Variants in SI observed in about 807,000 individuals in gnomAD.
SI encodes the protein sucrase-isomaltase, intestinal.
Under a neutral mutation model 253.3 loss-of-function variants are expected in SI, and 235 were observed. That is an observed-to-expected ratio of 0.93 (90% CI 0.83 to 1.03). The LOEUF is 1.03. SI is among the 50% of genes least tolerant of loss of function. The pLI is 0.00. For missense variants in SI, 2,442 were observed against 2,211.1 expected, an observed-to-expected ratio of 1.10 and a Z score of -2.09; for synonymous variants, 819 against 712.0, an observed-to-expected ratio of 1.15 and a Z score of -2.39.
intron 25 of SI, 104 bp from the exon 26 acceptor site, chr3:165,023,880 T>C (rs1259396529): frequency 1.2e-6 from 1 of 806,452 alleles, no homozygotes; most frequent in African/African-American, 1.7e-5. Context: ...GATTTACAAG[T>C]TTCATTAATA....
At chr3:164,990,798 A>G (rs2108124696) in intron 44 of SI, among the ~76,000 whole-genome samples, 1 of 152,214 alleles carries the variant, frequency 6.6e-6, no homozygotes, top group South Asian at 2.1e-4. Flanking sequence ...CCTAATGTTA[A>G]AAAGACAAGT....
intron 32 of SI, 34 bp from the exon 33 acceptor site, chr3:165,015,267 A>G (rs781316029): frequency 1.1e-5 from 16 of 1,479,738 alleles, no homozygotes; most frequent in Admixed American, 1.0e-4. Context: ...CAAGGTACAC[A>G]TGAAAAAAGC....
intron 24 of SI, 32 bp from the exon 25 acceptor site, chr3:165,030,899 G>GAAAAAAAAAAAAAAAAAAAAAAAAAAAA: frequency 1.8e-6 from 2 of 1,127,402 alleles, no homozygotes; most frequent in East Asian, 6.8e-5. Flanking sequence ...AAGAAAAAAA[G>GAAAAAAAAAAAAAAAAAAAAAAAAAAAA]AAAAAAAAAA....
intron 25 of SI, among the ~76,000 whole-genome samples, chr3:165,024,404 C>T (rs895127339): frequency 2.0e-5 from 3 of 151,176 alleles, no homozygotes; most frequent in Non-Finnish European, 3.0e-5. Flanking sequence ...CCCTATCTTC[C>T]TTGTTTATTA....
At position 165,065,283 on chromosome 3, in the gene SI, G is replaced by A. The variant is rs146187373; in HGVS notation, c.785C>T (p.Thr262Ile). 1 of 1,605,660 alleles carries A rather than the reference G, an allele frequency of 6.2e-7. No individual in the cohort carries two copies. The highest frequency in any genetic ancestry group is 8.5e-7 in the Non-Finnish European group (1 of 1,174,422). ...TACATCACCAGGAAGTTGGTCTCGA[G>A]TAAAAATTGGCCATGTTTTCCAGGA... ...DLSWKTWPIF[T>I]RDQLPGDNNN... Residue 262 changes from threonine to isoleucine, a missense_variant, in exon 7 of 48, where the codon ACT (threonine) becomes ATT (isoleucine). Physicochemically the swap from Thr to Ile is moderately conservative, Grantham distance 89. Transcript: ENST00000264382.
intron 41 of SI, among the ~76,000 whole-genome samples, chr3:164,993,697 A>C (rs7638672): frequency 0.052 from 7,863 of 151,758 alleles, 684 homozygotes; most frequent in African/African-American, 0.18. Flanking sequence ...AATGGATGAA[A>C]ATTTTTGCAA....
chr3:165,018,921 T>C (rs1015911590), intron 28 of SI, among the ~76,000 whole-genome samples: 5 of 151,800 alleles, frequency 3.3e-5, no homozygotes, highest in South Asian at 2.1e-4. Flanking sequence ...ATGCTTACAA[T>C]AGTTCACAGA....
intron 27 of SI, among the ~76,000 whole-genome samples, chr3:165,020,901 T>C (rs895997289): frequency 6.6e-6 from 1 of 151,672 alleles, no homozygotes; most frequent in East Asian, 1.9e-4. Context: ...ACTTCACTTG[T>C]TTCCAAATAC....
At chr3:165,067,761 A>G (rs1350167415) in intron 5 of SI, among the ~76,000 whole-genome samples, 4 of 152,022 alleles carry the variant, frequency 2.6e-5, no homozygotes, top group African/African-American at 4.8e-5. Flanking sequence ...TATAAAAATG[A>G]CAGTATTACC....
intron 13 of SI, among the ~76,000 whole-genome samples, chr3:165,051,512 T>C (rs1324616282): frequency 2.0e-5 from 3 of 152,068 alleles, no homozygotes; most frequent in African/African-American, 7.2e-5. Context: ...TGGTATACCA[T>C]AGTTACACAG....
rs1713910086 is a variant in SI, at chr3:165,060,012, C to T, written c.1036G>A (p.Ala346Thr). The T allele has an allele frequency of 1.9e-6, 3 of 1,611,476 alleles. No homozygotes were observed. The highest frequency in any genetic ancestry group is 8.5e-7 in the Non-Finnish European group (1 of 1,178,382). ...QQYQQLVGLPAMPAYWNLGFQ... is the reference protein window; with the variant it reads ...QQYQQLVGLPTMPAYWNLGFQ... ...CCAAGATTCCAATATGCTGGCATTG[C>T]TGGTAGTCCAACAAGCTTAAAGTAA... Residue 346 changes from alanine (A) to threonine (T), a missense_variant, in exon 10 of 48, where the codon GCA (alanine) becomes ACA (threonine). Ala to Thr is a moderately conservative substitution (Grantham distance 58). Coordinates refer to ENST00000264382, the MANE Select transcript of SI (RefSeq NM_001041.4).
intron 40 of SI, among the ~76,000 whole-genome samples, chr3:164,995,917 C>T (rs1717987665): frequency 6.6e-6 from 1 of 151,714 alleles, no homozygotes; most frequent in Non-Finnish European, 1.5e-5. Context: ...ATGAATCTCT[C>T]CCCAAGCTTT....
intron 18 of SI, among the ~76,000 whole-genome samples, chr3:165,040,645 A>G (rs572622188): frequency 6.6e-6 from 1 of 152,132 alleles, no homozygotes; most frequent in African/African-American, 2.4e-5. Context: ...TTCAATATTT[A>G]GTTGATGTAT....
chr3:165,030,675 T>G, intron 25 of SI, 37 bp downstream of exon 25: 1 of 1,596,696 alleles, frequency 6.3e-7, no homozygotes, highest in Non-Finnish European at 8.6e-7. Context: ...GCTTATGTGA[T>G]AACCATATCA....
chr3:165,040,688 A>C (rs1712772195), intron 18 of SI, among the ~76,000 whole-genome samples: 2 of 152,016 alleles, frequency 1.3e-5, no homozygotes, highest in Non-Finnish European at 2.9e-5. Flanking sequence ...CTCTTTACTG[A>C]TATAATATCC....
chr3:165,089,258 T>C, the SI span, among the ~76,000 whole-genome samples: 1 of 152,020 alleles, frequency 6.6e-6, no homozygotes, highest in Non-Finnish European at 1.5e-5. Flanking sequence ...AAAGAGCAAA[T>C]ATTAAATAGA....
At chr3:164,986,645 T>G (rs900573718) in intron 45 of SI, among the ~76,000 whole-genome samples, 3 of 152,236 alleles carry the variant, frequency 2.0e-5, no homozygotes, top group African/African-American at 7.2e-5. Context: ...CATAAAACTA[T>G]GATTACATAT....
rs895205818 is a variant in SI, at chr3:164,979,582, C to A, written c.5416-152G>T. 1.1e-5 allele frequency: 6 copies of A among 542,614 alleles called. No homozygotes were observed. The Admixed American group carries it at 1.2e-4, about 11-fold the overall frequency. 33.6% of individuals were successfully genotyped at this position (542,614 alleles called of 1,614,324 possible). A position where few individuals can be genotyped will look rare whatever the true frequency, so the allele number is the denominator to read the frequency against. On this transcript the variant is annotated intron_variant, in intron 47 of 47. Coordinates refer to ENST00000264382, the MANE Select transcript of SI (RefSeq NM_001041.4). ...ATTTTTACTCTCAGAAAGTTTGCAA[C>A]CATTTCAGCAACAATTTCACCCAAC...
At chr3:164,979,492 A>G (rs1717075352) in intron 47 of SI, 62 bp from the exon 48 acceptor site, 1 of 943,420 alleles carries the variant, frequency 1.1e-6, no homozygotes, top group African/African-American at 1.6e-5. Flanking sequence ...ATTTTCATGA[A>G]TGCTATTTCA....
Sources: gnomAD v4.1 joint callset for allele counts (sites outside exome capture counted in the v4.1 genomes callset) on GRCh38, gnomAD v4.1.1 for gene constraint, MANE v1.5 for transcripts, NCBI Gene and HGNC (gene_info 2026-07-23, HGNC 2026-07-21) for gene names.